Variants in PDE6D observed in about 807,000 individuals in gnomAD.
The protein encoded by PDE6D is phosphodiesterase 6D.
A neutral mutation model predicts 21.9 loss-of-function variants in PDE6D; 10 were observed. The observed-to-expected ratio is 0.46, with a 90% CI of 0.28 to 0.78. The LOEUF (loss-of-function observed/expected upper bound fraction) is 0.78, where lower values mean the gene tolerates loss of function less well. Among genes scored for constraint, PDE6D ranks in the 30% least tolerant of loss-of-function variants. The pLI, the probability that PDE6D is intolerant of heterozygous loss-of-function variation, is 0.12. For synonymous variants in PDE6D, 59 were observed against 63.5 expected, an observed-to-expected ratio of 0.93 and a Z score of 0.34; for missense variants, 139 against 184.8, an observed-to-expected ratio of 0.75 and a Z score of 1.44.
At chr2:231,745,528 G>A (rs189454711) in intron 1 of PDE6D, among the ~76,000 whole-genome samples, 270 of 152,322 alleles carry the variant, frequency 1.8e-3, no homozygotes, top group Non-Finnish European at 3.0e-3. Context: ...TACGAAGGAT[G>A]AGCACAAAGG....
intron 1 of PDE6D, among the ~76,000 whole-genome samples, chr2:231,777,596 T>C (rs913936730): frequency 6.6e-6 from 1 of 152,196 alleles, no homozygotes; most frequent in African/African-American, 2.4e-5. Flanking sequence ...TTGTAAACTA[T>C]ACTAAATCAT....
intron 1 of PDE6D, among the ~76,000 whole-genome samples, chr2:231,774,446 T>C (rs2049038773): frequency 6.6e-6 from 1 of 152,186 alleles, no homozygotes; most frequent in African/African-American, 2.4e-5. Context: ...AGTGAGCCCA[T>C]ACTCTCAACC....
chr2:231,768,456 T>C (rs1007700014), intron 1 of PDE6D: 1 of 152,322 alleles, frequency 6.6e-6, no homozygotes, highest in African/African-American at 2.4e-5. Flanking sequence ...GGTGGCGTGA[T>C]CTTGGCTCAC....
chr2:231,746,211 G>C (rs932354253), intron 1 of PDE6D, among the ~76,000 whole-genome samples: 1 of 151,906 alleles, frequency 6.6e-6, no homozygotes, highest in Non-Finnish European at 1.5e-5. Context: ...GTGCAATCTC[G>C]GCTCACTGCA....
Position 231,739,373 on chromosome 2 carries a change from A to C in PDE6D, c.51-185T>G. 1.4e-6 allele frequency: 1 copy of C among 719,248 alleles called. No individual in the cohort carries two copies. The highest frequency in any genetic ancestry group is 2.6e-6 in the Non-Finnish European group (1 of 389,420). The allele number at this position is 719,248 out of a possible 1,614,324, so 44.6% of individuals were successfully genotyped here. On this transcript the variant is annotated intron_variant, in intron 1 of 4. Coordinates refer to ENST00000287600, the MANE Select transcript of PDE6D (RefSeq NM_002601.4). The surrounding 1 kb of genome is among the most constrained non-coding windows in gnomAD (Gnocchi z 4.2). ...AAAAGACATCTAAAGGAAGAAGCAG[A>C]AACCTAGAGAAGTTACTTTTATCTA... is the stretch of plus-strand genomic sequence containing the variant.
intron 1 of PDE6D, among the ~76,000 whole-genome samples, chr2:231,751,451 C>G (rs766090116): frequency 6.6e-6 from 1 of 152,224 alleles, no homozygotes; most frequent in African/African-American, 2.4e-5. Context: ...CAGCCAAGAA[C>G]AGTTTCAGAT....
intron 1 of PDE6D, among the ~76,000 whole-genome samples, chr2:231,773,381 C>G (rs2049029958): frequency 6.6e-6 from 1 of 152,186 alleles, no homozygotes; most frequent in African/African-American, 2.4e-5. Context: ...AGTGGTATGT[C>G]TGGTTGCTTT....
chr2:231,737,914 A>T (rs2048715249), intron 3 of PDE6D, 99 bp downstream of exon 3: 1 of 1,158,848 alleles, frequency 8.6e-7, no homozygotes, highest in South Asian at 1.5e-5. Context: ...GAGTTGTAAA[A>T]GGAATGTTAT....
intron 1 of PDE6D, among the ~76,000 whole-genome samples, chr2:231,775,492 T>C (rs1391211548): frequency 6.7e-6 from 1 of 150,040 alleles, no homozygotes; most frequent in Non-Finnish European, 1.5e-5. Context: ...TGTGTGTTTT[T>C]TTTTTTTTTT....
intron 1 of PDE6D, among the ~76,000 whole-genome samples, chr2:231,761,740 G>A (rs2048931664): frequency 6.6e-6 from 1 of 152,140 alleles, no homozygotes; most frequent in Admixed American, 6.5e-5. Flanking sequence ...TATATGTCAC[G>A]TGCTGTGCTA....
At chr2:231,771,183 G>T (rs1447896926) in intron 1 of PDE6D, among the ~76,000 whole-genome samples, 1 of 151,726 alleles carries the variant, frequency 6.6e-6, no homozygotes, top group Admixed American at 6.6e-5. Context: ...TGGCCAGGCT[G>T]GTCTCGAACT....
intron 1 of PDE6D, among the ~76,000 whole-genome samples, chr2:231,763,460 A>G (rs930101883): frequency 2.0e-5 from 3 of 152,144 alleles, no homozygotes; most frequent in Admixed American, 2.0e-4. Context: ...GGGATTCCAC[A>G]GCTGTACCAC....
At chr2:231,749,094 C>T (rs2048817334) in intron 1 of PDE6D, among the ~76,000 whole-genome samples, 1 of 152,174 alleles carries the variant, frequency 6.6e-6, no homozygotes, top group South Asian at 2.1e-4. Flanking sequence ...CTCCTCCAGA[C>T]CCTAGAATGG....
chr2:231,743,857 A>G (rs1396827389), intron 1 of PDE6D, among the ~76,000 whole-genome samples: 1 of 152,202 alleles, frequency 6.6e-6, no homozygotes, highest in Non-Finnish European at 1.5e-5. Context: ...GGCAGAAGGA[A>G]AACAACAGAT....
intron 1 of PDE6D, among the ~76,000 whole-genome samples, chr2:231,766,986 T>A (rs1386163679): frequency 1.2e-4 from 13 of 104,088 alleles, no homozygotes; most frequent in Admixed American, 5.8e-4. Flanking sequence ...AGAGCGAGAC[T>A]CCGTCTCAAA....
Position 231,746,711 on chromosome 2 carries a change from G to C in PDE6D, c.51-7523C>G, listed in dbSNP as rs1156393026. ...AGAGAAATCAGGGTAAGAGAACAGA[G>C]AGTGAGAAGGAATGGGGAAGACAAA... is the stretch of plus-strand genomic sequence containing the variant. On this transcript the variant is annotated intron_variant, in intron 1 of 4. Transcript: ENST00000287600. Among the ~76,000 whole-genome samples the C allele has an allele frequency of 2.0e-5, 3 of 152,248 alleles. No individual in the cohort carries two copies. The East Asian group carries it at 5.8e-4, about 29-fold the overall frequency.
At chr2:231,769,539 C>G (rs1240087501) in intron 1 of PDE6D, among the ~76,000 whole-genome samples, 2 of 151,956 alleles carry the variant, frequency 1.3e-5, no homozygotes, top group Non-Finnish European at 2.9e-5. Context: ...CACACACACA[C>G]ACAGAGATAT....
intron 1 of PDE6D, among the ~76,000 whole-genome samples, chr2:231,748,103 A>G (rs1288453121): frequency 6.6e-6 from 1 of 152,182 alleles, no homozygotes; most frequent in Admixed American, 6.5e-5. Flanking sequence ...CGTTGCTGAA[A>G]AGATACCTGA....
At chr2:231,759,281 A>G (rs1044612989) in intron 1 of PDE6D, among the ~76,000 whole-genome samples, 1 of 152,036 alleles carries the variant, frequency 6.6e-6, no homozygotes, top group African/African-American at 2.4e-5. Context: ...ATGCCATTGC[A>G]CTCCAGCCTG....
Sources: gnomAD v4.1 joint callset for allele counts (sites outside exome capture counted in the v4.1 genomes callset) on GRCh38, gnomAD v4.1.1 for gene constraint, Gnocchi (gnomAD v3.1) non-coding constraint, MANE v1.5 for transcripts, NCBI Gene and HGNC (gene_info 2026-07-23, HGNC 2026-07-21) for gene names.